Variants in SCN3A observed in about 807,000 individuals in gnomAD.
SCN3A encodes the protein sodium voltage-gated channel alpha subunit 3.
SCN3A carries 60 observed loss-of-function variants against 187.6 expected under a neutral mutation model. The observed-to-expected ratio is 0.32, with a 90% CI of 0.26 to 0.40. SCN3A has a LOEUF of 0.40. SCN3A is among the 10% of genes least tolerant of loss of function. The pLI, the probability that SCN3A is intolerant of heterozygous loss-of-function variation, is 1.00. For missense variants in SCN3A, 1,601 were observed against 2,428.2 expected (o/e 0.66, Z 7.16); for synonymous variants, 788 against 829.2 (o/e 0.95, Z 0.85).
chr2:165,159,008 AG>A (rs1292847211), intron 9 of SCN3A, among the ~76,000 whole-genome samples: 1 of 138,062 alleles, frequency 7.2e-6, no homozygotes, highest in East Asian at 2.8e-4. Context: ...TTATTTTGTA[AG>A]AAACCGCCAA....
At chr2:165,190,441 T>C (rs975214354) in intron 1 of SCN3A, among the ~76,000 whole-genome samples, 1 of 150,984 alleles carries the variant, frequency 6.6e-6, no homozygotes, top group African/African-American at 2.4e-5. Flanking sequence ...TTAACAGATG[T>C]ATCACATACA....
In SCN3A at chr2:165,090,897, G is replaced by C; in HGVS notation, c.5256C>G (p.Val1752=). The C allele has an allele frequency of 6.2e-7, 1 of 1,614,032 alleles. No homozygotes were observed. Among genetic ancestry groups the C allele is most frequent in the Non-Finnish European group, 8.5e-7 (1 of 1,179,986 alleles). ...GNPSVGIFFF[V]SYIIISFLVV... The stretch of plus-strand genomic sequence containing the variant: ...CCAGGAAGGATATGATGATGTAACT[G>C]ACAAAAAAGAAAATCCCAACAGATG... The change falls in exon 28 of 28, where the codon GTC becomes GTG. Residue 1752 remains valine, a synonymous_variant. Coordinates refer to ENST00000283254, the MANE Select transcript of SCN3A (RefSeq NM_006922.4). This position sits in a 1 kb window ranked among gnomAD's most constrained non-coding sequence, Gnocchi z 4.0.
intron 11 of SCN3A, among the ~76,000 whole-genome samples, chr2:165,149,640 G>T (rs1056342853): frequency 1.3e-5 from 2 of 152,058 alleles, no homozygotes; most frequent in African/African-American, 4.8e-5. Flanking sequence ...CCAGTGATTT[G>T]CCAGTTCCCT....
intron 1 of SCN3A, among the ~76,000 whole-genome samples, chr2:165,198,718 C>G (rs746826941): frequency 6.6e-6 from 1 of 151,980 alleles, no homozygotes; most frequent in Non-Finnish European, 1.5e-5. Flanking sequence ...TTTGCCCATG[C>G]AGGAATTTAT....
chr2:165,093,182 G>A (rs1049125403), intron 26 of SCN3A: 1 of 152,114 alleles, frequency 6.6e-6, no homozygotes, highest in African/African-American at 2.4e-5. Flanking sequence ...GATTTACAAA[G>A]CAGGTTAATA....
At chr2:165,110,516 C>T (rs369601414) in intron 21 of SCN3A, among the ~76,000 whole-genome samples, 1 of 151,970 alleles carries the variant, frequency 6.6e-6, no homozygotes, top group Non-Finnish European at 1.5e-5. Context: ...CTTTCTTTAC[C>T]TTTCTGTGAC....
intron 1 of SCN3A, among the ~76,000 whole-genome samples, chr2:165,188,946 G>C (rs1691423223): frequency 1.3e-5 from 2 of 152,086 alleles, no homozygotes; most frequent in South Asian, 4.1e-4. Flanking sequence ...CTCCCTAAGT[G>C]AGTTTTGTGC....
chr2:165,097,211 A>G (rs1685399220), intron 23 of SCN3A, 41 bp downstream of exon 23: 2 of 1,612,482 alleles, frequency 1.2e-6, no homozygotes, highest in African/African-American at 1.3e-5. Context: ...TCCTTGAAAC[A>G]TCTTGAAAAC....
At chr2:165,181,888 A>G (rs1056611493) in intron 2 of SCN3A, among the ~76,000 whole-genome samples, 4 of 152,198 alleles carry the variant, frequency 2.6e-5, no homozygotes, top group Admixed American at 1.3e-4. Context: ...AAAAATATGT[A>G]TTTTTAGGAT....
At chr2:165,180,601 T>C (rs976515506) in intron 2 of SCN3A, among the ~76,000 whole-genome samples, 2 of 152,020 alleles carry the variant, frequency 1.3e-5, no homozygotes, top group African/African-American at 4.8e-5. Context: ...TGTGTGCAGA[T>C]GCAGAGACAA....
rs1384907371 is a variant in SCN3A, at chr2:165,168,816, G to A, written c.393C>T (p.Ser131=). 5.0e-6 allele frequency: 8 copies of A among 1,608,802 alleles called. No individual in the cohort carries two copies. The highest frequency in any genetic ancestry group is 4.4e-5 in the South Asian group (4 of 90,960). The change falls in exon 5 of 28, where the codon AGC becomes AGT. Residue 131 remains serine (S), a synonymous_variant. Coordinates refer to ENST00000283254, the MANE Select transcript of SCN3A (RefSeq NM_006922.4). ...AIKILVHSLF[S]MLIMCTILTN... is the part of the protein sequence containing the mutation. ...TCAAAATAGTGCACATGATAAGCAT[G>A]CTGAATAAAGTAGATTATAGTTAAG...
At chr2:165,162,975 T>G (rs935476097) in intron 7 of SCN3A, 147 bp from the exon 8 acceptor site, 1 of 950,198 alleles carries the variant, frequency 1.1e-6, no homozygotes, top group Non-Finnish European at 1.7e-6. Context: ...ATTTGGGAAA[T>G]AGATGAACAG....
intron 21 of SCN3A, among the ~76,000 whole-genome samples, chr2:165,101,436 C>A (rs1053523159): frequency 1.3e-5 from 2 of 152,032 alleles, no homozygotes; most frequent in African/African-American, 2.4e-5. Context: ...GAAGTTAGAG[C>A]GCCACCCCCA....
chr2:165,120,209 C>T (rs1024547431), intron 18 of SCN3A, among the ~76,000 whole-genome samples: 3 of 151,914 alleles, frequency 2.0e-5, no homozygotes, highest in African/African-American at 7.3e-5. Flanking sequence ...GAACCATGTC[C>T]TCAAAGACAT....
intron 3 of SCN3A, among the ~76,000 whole-genome samples, chr2:165,175,905 G>A (rs1174413908): frequency 6.6e-6 from 1 of 152,064 alleles, no homozygotes; most frequent in Non-Finnish European, 1.5e-5. Flanking sequence ...CTGTGAAATT[G>A]TAGAAATCAT....
intron 11 of SCN3A, 53 bp downstream of exon 11, chr2:165,154,399 T>G: frequency 6.3e-7 from 1 of 1,581,358 alleles, no homozygotes; most frequent in South Asian, 1.1e-5. Flanking sequence ...ACACTATTTC[T>G]ACTTAGAAAC....
chr2:165,162,567 A>G lies in SCN3A; in HGVS notation c.956T>C (p.Ile319Thr), dbSNP rs369361605. Residue 319 changes from isoleucine to threonine, a missense_variant, in exon 8 of 28, where the codon ATT becomes ACT. By Grantham distance (89) the Ile-to-Thr change is moderately conservative. This residue lies in a region of SCN3A where 104 missense variants were observed against 102.7 expected (regional missense o/e 1.01). Coordinates refer to ENST00000283254, the MANE Select transcript of SCN3A (RefSeq NM_006922.4). ...GTAATACTTCTTACTGTCATCTCCA[A>G]TGTAATCCTTCCAGTTAAATGTGCT... Reference protein sequence around the residue: ...TMSTFNWKDYIGDDSHFYVLD... With the variant: ...TMSTFNWKDYTGDDSHFYVLD... The G allele has an allele frequency of 5.2e-5, 84 of 1,614,098 alleles. No individual in the cohort carries two copies. In the East Asian group the frequency reaches 9.8e-4, roughly 19 times the overall value.
chr2:165,185,226 G>A (rs1197497778), intron 2 of SCN3A, among the ~76,000 whole-genome samples: 1 of 152,142 alleles, frequency 6.6e-6, no homozygotes, highest in Non-Finnish European at 1.5e-5. Context: ...CAAAAATTAA[G>A]TCAACATTTT....
rs1685159962 is a variant in SCN3A at position 165,092,584 on chromosome 2, T to C, written c.4537-60A>G. ...ATATATTTCATAAAGAATAATGCAGTAAAATTGTAGATAAAGCCCTTCCAC... is the reference window on the plus strand; with the variant it reads ...ATATATTTCATAAAGAATAATGCAGCAAAATTGTAGATAAAGCCCTTCCAC... On this transcript the variant is annotated intron_variant, in intron 26 of 27. Transcript: ENST00000283254. The surrounding 1 kb of genome is among the most constrained non-coding windows in gnomAD (Gnocchi z 4.2). 6.6e-7 allele frequency: 1 copy of C among 1,514,354 alleles called. No homozygotes were observed. Among genetic ancestry groups the C allele is most frequent in the South Asian group, 1.1e-5 (1 of 88,034 alleles). The allele number at this position is 1,514,354 out of a possible 1,614,324, so 93.8% of individuals were successfully genotyped here.
Sources: allele counts gnomAD v4.1 joint callset (sites outside exome capture counted in the v4.1 genomes callset), GRCh38; gene constraint gnomAD v4.1.1; regional missense constraint gnomAD v4.1.1; non-coding constraint Gnocchi (gnomAD v3.1); transcripts MANE v1.5; gene names NCBI Gene and HGNC (gene_info 2026-07-23, HGNC 2026-07-21).